Variants in PRICKLE1 observed in about 807,000 individuals in gnomAD.
PRICKLE1 encodes prickle planar cell polarity protein 1.
PRICKLE1 carries 14 observed loss-of-function variants against 70.2 expected under a neutral mutation model. That is an observed-to-expected ratio of 0.20 (90% CI 0.13 to 0.31). The LOEUF (loss-of-function observed/expected upper bound fraction) is 0.31, where lower values mean the gene tolerates loss of function less well. Ranked by LOEUF, PRICKLE1 falls within the 10% of genes least tolerant of loss-of-function variation. The probability of loss-of-function intolerance (pLI) is 1.00; values close to 1 mark genes in which losing one functional copy is unlikely to be tolerated. For missense variants in PRICKLE1, 821 were observed against 1,026.2 expected (o/e 0.80, Z 2.73); for synonymous variants, 357 against 379.9 (o/e 0.94, Z 0.70).
At chr12:42,576,603 T>C (rs1366787544) in intron 1 of PRICKLE1, among the ~76,000 whole-genome samples, 1 of 152,264 alleles carries the variant, frequency 6.6e-6, no homozygotes, top group Non-Finnish European at 1.5e-5. Flanking sequence ...CGATTATTAA[T>C]GTCAAATTTA....
At chr12:42,474,598 C>T (rs982598422) in intron 1 of PRICKLE1, among the ~76,000 whole-genome samples, 2 of 152,262 alleles carry the variant, frequency 1.3e-5, no homozygotes, top group Admixed American at 6.5e-5. Flanking sequence ...TAAACATAGG[C>T]GTATTCCTCT....
At chr12:42,497,543 T>TAC in intron 1 of PRICKLE1, among the ~76,000 whole-genome samples, 1 of 68,306 alleles carries the variant, frequency 1.5e-5, no homozygotes. Context: ...CGAGACTCCA[T>TAC]CTCAAAAAAA....
rs554013702 is a variant in PRICKLE1 at position 42,581,645 on chromosome 12, G to A, written c.-49+7820C>T. Among the ~76,000 whole-genome samples the A allele has an allele frequency of 1.3e-4, 20 of 151,922 alleles. No individual in the cohort carries two copies. In the Middle Eastern group the frequency reaches 0.024, roughly 182 times the overall value. On this transcript the variant is annotated intron_variant, in intron 1 of 7. Coordinates refer to ENST00000345127, the MANE Select transcript of PRICKLE1 (RefSeq NM_153026.3). ...GCCTGTAATCCCAGCTACTTGGGAG[G>A]CTGAGACAGGAGAATCTCTTGAACC...
At chr12:42,588,400 A>G (rs1332276027) in intron 1 of PRICKLE1, among the ~76,000 whole-genome samples, 1 of 152,250 alleles carries the variant, frequency 6.6e-6, no homozygotes, top group East Asian at 1.9e-4. Context: ...TTTGTCATTC[A>G]TAAAACTTAT....
chr12:42,477,462 A>C lies in PRICKLE1; in HGVS notation c.-48-4898T>G, dbSNP rs1038899084. 5.7e-4 allele frequency among the ~76,000 whole-genome samples: 55 copies of C among 97,038 alleles called. 1 individual carries two copies. Among genetic ancestry groups the C allele is most frequent in the Admixed American group, 2.0e-3 (17 of 8,698 alleles). The allele number at this position is 97,038 out of a possible 152,430, so 63.7% of individuals were successfully genotyped here. On this transcript the variant is annotated intron_variant, in intron 1 of 7. Transcript: ENST00000345127. ...TATGTGTATATATGTATATACGTAT[A>C]TATGTGTGTGTGTGTGTGTGTATAT...
intron 1 of PRICKLE1, among the ~76,000 whole-genome samples, chr12:42,545,699 A>G (rs1940195123): frequency 6.6e-6 from 1 of 152,024 alleles, no homozygotes; most frequent in Non-Finnish European, 1.5e-5. Flanking sequence ...AAATAAAATA[A>G]ATTAGCTGGG....
Position 42,464,342 on chromosome 12 carries a change from C to G in PRICKLE1, c.1639+53G>C. The stretch of plus-strand genomic sequence containing the variant: ...GGCTTGAATTGCAATTTTTTGAATA[C>G]ACTTTTTAGTAGCTCCTTTTTTCAA... On this transcript the variant is annotated intron_variant, in intron 7 of 7. Transcript: ENST00000345127. The surrounding 1 kb of genome is among the most constrained non-coding windows in gnomAD (Gnocchi z 4.2). The G allele has an allele frequency of 6.2e-7, 1 of 1,611,768 alleles. No individual in the cohort carries two copies. The highest frequency in any genetic ancestry group is 1.1e-5 in the South Asian group (1 of 90,710).
At chr12:42,472,291 C>T (rs1593115990) in intron 2 of PRICKLE1, 94 bp downstream of exon 2, 1 of 1,381,342 alleles carries the variant, frequency 7.2e-7, no homozygotes, top group East Asian at 2.4e-5. Context: ...ATTCCAGCAT[C>T]TCAGTGATGT....
chr12:42,583,860 G>A (rs961548719), intron 1 of PRICKLE1, among the ~76,000 whole-genome samples: 1 of 152,088 alleles, frequency 6.6e-6, no homozygotes, highest in Non-Finnish European at 1.5e-5. Flanking sequence ...TCACCTCTTG[G>A]ATACCCTCTA....
intron 1 of PRICKLE1, among the ~76,000 whole-genome samples, chr12:42,541,317 A>G (rs1031461203): frequency 6.6e-6 from 1 of 151,854 alleles, no homozygotes; most frequent in East Asian, 1.9e-4. Context: ...CTATGCAAAA[A>G]TCATGCCAAC....
chr12:42,542,144 C>T (rs1014783382), intron 1 of PRICKLE1, among the ~76,000 whole-genome samples: 2 of 152,066 alleles, frequency 1.3e-5, no homozygotes, highest in African/African-American at 4.8e-5. Context: ...CATCACTCTA[C>T]GAACAGGGTG....
At chr12:42,510,585 T>TA (rs1939494658) in intron 1 of PRICKLE1, among the ~76,000 whole-genome samples, 2 of 15,826 alleles carry the variant, frequency 1.3e-4, no homozygotes, top group East Asian at 0.17. Flanking sequence ...AAAGCATAAC[T>TA]TTTTTTTTAA....
In PRICKLE1 at chr12:42,464,484, T is replaced by A; in HGVS notation, c.1550A>T (p.Tyr517Phe). The change falls in exon 7 of 8, where the codon TAT becomes TTT. Residue 517 changes from tyrosine to phenylalanine, a missense_variant. Transcript: ENST00000345127. This position sits in a 1 kb window ranked among gnomAD's most constrained non-coding sequence, Gnocchi z 4.2. ...SGYNHDETQW[Y>F]EDSLECLSDL... ...TGACAGACACTCCAGGGAATCTTCA[T>A]ACCACTGTGTTTCATCATGATTATA... is the stretch of plus-strand genomic sequence containing the variant. The A allele has an allele frequency of 1.9e-6, 3 of 1,614,092 alleles. No homozygotes were observed. Among genetic ancestry groups the A allele is most frequent in the South Asian group, 1.1e-5 (1 of 91,084 alleles).
intron 1 of PRICKLE1, among the ~76,000 whole-genome samples, chr12:42,501,521 AAAAAAAAAAG>A (rs1157149877): frequency 7.0e-6 from 1 of 142,080 alleles, no homozygotes; most frequent in Middle Eastern, 3.5e-3. Context: ...AAAAAAAAAA[AAAAAAAAAAG>A]AAAAGAAAAG....
Position 42,589,047 on chromosome 12 carries a change from C to G in PRICKLE1, c.-49+418G>C, listed in dbSNP as rs1481554939. 4 of 152,200 alleles carry G rather than the reference C, an allele frequency of 2.6e-5. No homozygotes were observed. The highest frequency in any genetic ancestry group is 5.9e-5 in the Non-Finnish European group (4 of 68,074). The allele number at this position is 152,200 out of a possible 1,614,324, so 9.4% of individuals were successfully genotyped here. A position where few individuals can be genotyped will look rare whatever the true frequency, so the allele number is the denominator to read the frequency against. On this transcript the variant is annotated intron_variant, in intron 1 of 7. Coordinates refer to ENST00000345127, the MANE Select transcript of PRICKLE1 (RefSeq NM_153026.3). This position sits in a 1 kb window ranked among gnomAD's most constrained non-coding sequence, Gnocchi z 5.0. ...TTTCCCCAGCGCTAGAGGAGAGAAT[C>G]GGTACCCTCCCTCCGGACGCCAGTA...
chr12:42,581,411 G>A (rs1940896941), intron 1 of PRICKLE1, among the ~76,000 whole-genome samples: 1 of 151,848 alleles, frequency 6.6e-6, no homozygotes, highest in Non-Finnish European at 1.5e-5. Context: ...GTCTCTGCTT[G>A]AGAAAAAACA....
At chr12:42,563,130 C>T (rs965174400) in intron 1 of PRICKLE1, among the ~76,000 whole-genome samples, 4 of 151,744 alleles carry the variant, frequency 2.6e-5, no homozygotes, top group African/African-American at 9.7e-5. Flanking sequence ...TTGCAGTGAA[C>T]CGAGATCATG....
At chr12:42,558,543 A>G (rs1158602501) in intron 1 of PRICKLE1, among the ~76,000 whole-genome samples, 1 of 152,246 alleles carries the variant, frequency 6.6e-6, no homozygotes, top group Non-Finnish European at 1.5e-5. Context: ...GGTCTCCAAC[A>G]GGACCCTGCT....
At chr12:42,573,760 C>T (rs955139125) in intron 1 of PRICKLE1, among the ~76,000 whole-genome samples, 1 of 152,030 alleles carries the variant, frequency 6.6e-6, no homozygotes, top group African/African-American at 2.4e-5. Flanking sequence ...GTCTCAAACT[C>T]CTGGGCTCAA....
Sources: allele counts gnomAD v4.1 joint callset (sites outside exome capture counted in the v4.1 genomes callset), GRCh38; gene constraint gnomAD v4.1.1; non-coding constraint Gnocchi (gnomAD v3.1); transcripts MANE v1.5; gene names NCBI Gene and HGNC (gene_info 2026-07-23, HGNC 2026-07-21).